Variants in SLC26A7 observed in about 807,000 individuals in gnomAD.
The protein encoded by SLC26A7 is solute carrier family 26 member 7, also known as anion exchange transporter.
In SLC26A7, 59 loss-of-function variants were observed where a neutral mutation model predicts 82.5. That is an observed-to-expected ratio of 0.72 (90% CI 0.58 to 0.89). The LOEUF (loss-of-function observed/expected upper bound fraction) is 0.89. SLC26A7 is among the 40% of genes least tolerant of loss of function. The pLI is 0.00. For missense variants in SLC26A7, 820 were observed against 793.0 expected, an observed-to-expected ratio of 1.03 and a Z score of -0.41; for synonymous variants, 271 against 274.3, an observed-to-expected ratio of 0.99 and a Z score of 0.12.
chr8:91,249,900 C>A, intron 2 of SLC26A7, 56 bp downstream of exon 2: 1 of 1,338,614 alleles, frequency 7.5e-7, no homozygotes, highest in South Asian at 1.8e-5. Context: ...CACTTTGCTT[C>A]CTTGGAATAA....
In SLC26A7 at chr8:91,396,056, T is replaced by C. The variant is rs1808563231; in HGVS notation, c.*959T>C. 1.3e-5 allele frequency: 2 copies of C among 152,094 alleles called. No individual in the cohort carries two copies. Among genetic ancestry groups the C allele is most frequent in the South Asian group, 2.1e-4 (1 of 4,826 alleles). 9.4% of individuals were successfully genotyped at this position (152,094 alleles called of 1,614,324 possible). The stretch of plus-strand genomic sequence containing the variant: ...GGATGGATAGGTAGGTAGATCTTCA[T>C]AGATTTTTTTTTCTTTTGTTAGAGG... On this transcript the variant is annotated 3_prime_UTR_variant, in exon 19 of 19. Coordinates refer to ENST00000276609, the MANE Select transcript of SLC26A7 (RefSeq NM_052832.4).
intron 1 of SLC26A7, among the ~76,000 whole-genome samples, chr8:91,211,323 G>C (rs529876928): frequency 6.6e-6 from 1 of 151,812 alleles, no homozygotes; most frequent in Non-Finnish European, 1.5e-5. Context: ...ATTAGAATAA[G>C]TGTATACAGC....
At chr8:91,327,868 T>C (rs1221369984) in intron 5 of SLC26A7, among the ~76,000 whole-genome samples, 1 of 152,158 alleles carries the variant, frequency 6.6e-6, no homozygotes, top group Non-Finnish European at 1.5e-5. Context: ...GAAATATTTA[T>C]TCAAATAATC....
chr8:91,257,135 T>G (rs537467692), intron 2 of SLC26A7, among the ~76,000 whole-genome samples: 2 of 152,212 alleles, frequency 1.3e-5, no homozygotes, highest in South Asian at 4.1e-4. Flanking sequence ...AGCAATACAA[T>G]GAGCTATTGC....
chr8:91,392,196 A>C (rs2130908563), intron 16 of SLC26A7, among the ~76,000 whole-genome samples: 1 of 152,260 alleles, frequency 6.6e-6, no homozygotes, highest in Admixed American at 6.5e-5. Context: ...GTTTTGTATC[A>C]GTTTGCCCTT....
intron 11 of SLC26A7, among the ~76,000 whole-genome samples, chr8:91,360,441 A>G (rs1814018291): frequency 6.6e-6 from 1 of 152,196 alleles, no homozygotes; most frequent in Admixed American, 6.6e-5. Context: ...TTTAACAGGA[A>G]TTATTACAGA....
chr8:91,370,323 TTTC>T (rs1814322051), intron 15 of SLC26A7, among the ~76,000 whole-genome samples: 1 of 151,768 alleles, frequency 6.6e-6, no homozygotes, highest in Non-Finnish European at 1.5e-5. Flanking sequence ...TTTCCCTCTC[TTTC>T]TTCTTCCTCC....
intron 4 of SLC26A7, among the ~76,000 whole-genome samples, chr8:91,308,518 T>C (rs147604034): frequency 6.6e-6 from 1 of 152,278 alleles, no homozygotes; most frequent in Non-Finnish European, 1.5e-5. Context: ...CTTGATCACC[T>C]GGCTGAGGTA....
chr8:91,362,686 G>A (rs899640896), intron 12 of SLC26A7, among the ~76,000 whole-genome samples: 19 of 152,018 alleles, frequency 1.2e-4, no homozygotes, highest in African/African-American at 2.2e-4. Flanking sequence ...GCTTATCAAC[G>A]TGATAAAATA....
rs1377815892 is a variant in SLC26A7 at position 91,397,943 on chromosome 8, A to G, written c.*2846A>G. Reference sequence around the variant, plus strand: ...GTATAGAATATGCTGTTTGGCAATGAGTTTGTGGCCAGATTTCAAATAGGG... The same window carrying G: ...GTATAGAATATGCTGTTTGGCAATGGGTTTGTGGCCAGATTTCAAATAGGG... On this transcript the variant is annotated 3_prime_UTR_variant, in exon 19 of 19. Transcript: ENST00000276609. 1 of 152,488 alleles carries G rather than the reference A, an allele frequency of 6.6e-6. No individual in the cohort carries two copies. Among genetic ancestry groups the G allele is most frequent in the Admixed American group, 6.6e-5 (1 of 15,266 alleles). The allele number at this position is 152,488 out of a possible 1,614,324, so 9.4% of individuals were successfully genotyped here.
At chr8:91,225,601 C>G (rs1459643222) in intron 2 of SLC26A7, among the ~76,000 whole-genome samples, 2 of 120,112 alleles carry the variant, frequency 1.7e-5, no homozygotes, top group Non-Finnish European at 3.4e-5. Flanking sequence ...CTGAACAATG[C>G]TGCTTCTAGT....
rs76765243 is a variant in SLC26A7 at position 91,210,536 on chromosome 8, T to G, written c.-150+994T>G. ...GATAGATAGAACTTTCTTACAGGATTTTAAACACAGACACACACACACACA... is the reference window on the plus strand; with the variant it reads ...GATAGATAGAACTTTCTTACAGGATGTTAAACACAGACACACACACACACA... On this transcript the variant is annotated intron_variant, in intron 1 of 5. Transcript: ENST00000522862. Among the ~76,000 whole-genome samples the G allele has an allele frequency of 2.2e-5, 3 of 138,678 alleles. No individual in the cohort carries two copies. In the East Asian group the frequency reaches 6.1e-4, roughly 28 times the overall value. 91.0% of individuals were successfully genotyped at this position (138,678 alleles called of 152,430 possible).
chr8:91,248,841 G>A (rs1053313958), upstream of SLC26A7, among the ~76,000 whole-genome samples: 2 of 152,220 alleles, frequency 1.3e-5, no homozygotes, highest in African/African-American at 2.4e-5. Context: ...AAGATCTCCT[G>A]TCACAAATAT....
At position 91,338,189 on chromosome 8, in the gene SLC26A7, GA is replaced by G; in HGVS notation, c.839del (p.Asn280ThrfsTer5). ...ASFACYCTNM[E>X]NTYGLEVVGH... ...ATTTGCTTGTTATTGCACCAATATG[GA>G]AAACACATATGGATTAGAAGTAGTT... On this transcript the variant is annotated frameshift_variant, in exon 7 of 19. Coordinates refer to ENST00000276609, the MANE Select transcript of SLC26A7 (RefSeq NM_052832.4). LOFTEE classifies it high-confidence loss of function. The G allele has an allele frequency of 6.2e-7, 1 of 1,610,720 alleles. No individual in the cohort carries two copies. The highest frequency in any genetic ancestry group is 8.5e-7 in the Non-Finnish European group (1 of 1,178,718).
At chr8:91,336,167 T>C (rs1813236073) in intron 6 of SLC26A7, among the ~76,000 whole-genome samples, 1 of 152,088 alleles carries the variant, frequency 6.6e-6, no homozygotes, top group South Asian at 2.1e-4. Flanking sequence ...AGGGTACAGG[T>C]TTGAGTTGGG....
chr8:91,253,828 TAATC>T (rs1315131871), intron 2 of SLC26A7, among the ~76,000 whole-genome samples: 2 of 152,154 alleles, frequency 1.3e-5, no homozygotes, highest in Admixed American at 6.5e-5. Flanking sequence ...GACAATGTCT[TAATC>T]TATATATTCT....
At chr8:91,369,425 T>C (rs943843339) in intron 14 of SLC26A7, among the ~76,000 whole-genome samples, 1 of 152,034 alleles carries the variant, frequency 6.6e-6, no homozygotes, top group Admixed American at 6.6e-5. Context: ...TGATCAGTGG[T>C]TCTCTCTCTT....
intron 2 of SLC26A7, among the ~76,000 whole-genome samples, chr8:91,275,184 C>T (rs1038790039): frequency 1.3e-5 from 2 of 152,168 alleles, no homozygotes. Flanking sequence ...TAGACTCACT[C>T]TCTATATGTA....
intron 3 of SLC26A7, among the ~76,000 whole-genome samples, chr8:91,293,186 T>C (rs1811920601): frequency 6.6e-6 from 1 of 152,212 alleles, no homozygotes; most frequent in Non-Finnish European, 1.5e-5. Flanking sequence ...GGATTCGAAC[T>C]TGGGTCTGTT....
Sources: allele counts gnomAD v4.1 joint callset (sites outside exome capture counted in the v4.1 genomes callset), GRCh38; gene constraint gnomAD v4.1.1; transcripts MANE v1.5; gene names NCBI Gene and HGNC (gene_info 2026-07-23, HGNC 2026-07-21).